Variants in CHRM3 observed in about 807,000 individuals in gnomAD.
CHRM3 encodes cholinergic receptor muscarinic 3, also known as muscarinic acetylcholine receptor M3.
CHRM3 carries 11 observed loss-of-function variants against 41.8 expected under a neutral mutation model. The ratio of observed to expected loss-of-function variants is 0.26; its 90% CI spans 0.17 to 0.44. The LOEUF (loss-of-function observed/expected upper bound fraction) is 0.44, where lower values mean the gene tolerates loss of function less well. Among genes scored for constraint, CHRM3 ranks in the 20% least tolerant of loss-of-function variants. CHRM3 has a pLI of 1.00. For missense variants in CHRM3, 571 were observed against 745.4 expected (o/e 0.77, Z 2.72); for synonymous variants, 297 against 301.4 (o/e 0.99, Z 0.15).
chr1:239,893,638 C>A (rs560281050), intron 6 of CHRM3, among the ~76,000 whole-genome samples: 1 of 149,098 alleles, frequency 6.7e-6, no homozygotes, highest in Admixed American at 6.8e-5. Context: ...CCTTGAAGGA[C>A]AGAAGTGATT....
intron 1 of CHRM3, among the ~76,000 whole-genome samples, chr1:239,490,540 A>G (rs1044943028): frequency 2.0e-5 from 3 of 151,982 alleles, no homozygotes. Context: ...TGAATTGAAT[A>G]CGTTCTGTTT....
At chr1:239,601,333 C>A (rs990132230) in intron 3 of CHRM3, among the ~76,000 whole-genome samples, 5 of 152,030 alleles carry the variant, frequency 3.3e-5, no homozygotes, top group African/African-American at 1.2e-4. Context: ...ATAAAACAAG[C>A]AAATAATTTT....
intron 3 of CHRM3, among the ~76,000 whole-genome samples, chr1:239,609,664 A>C (rs892773756): frequency 2.0e-5 from 3 of 152,218 alleles, no homozygotes; most frequent in African/African-American, 7.2e-5. Flanking sequence ...TGTTATGGTC[A>C]GTATTTTCAA....
intron 5 of CHRM3, among the ~76,000 whole-genome samples, chr1:239,728,040 G>A (rs1663611332): frequency 1.3e-5 from 2 of 152,042 alleles, no homozygotes; most frequent in Non-Finnish European, 2.9e-5. Context: ...CACAATGCTG[G>A]TAGGATTGTA....
chr1:239,868,227 G>A (rs755322480), intron 6 of CHRM3, among the ~76,000 whole-genome samples: 3 of 152,194 alleles, frequency 2.0e-5, no homozygotes, highest in Admixed American at 6.5e-5. Context: ...CTCCTGCGGC[G>A]TGATGCCGTG....
intron 4 of CHRM3, among the ~76,000 whole-genome samples, chr1:239,643,139 G>A (rs1671376255): frequency 6.6e-6 from 1 of 152,118 alleles, no homozygotes; most frequent in African/African-American, 2.4e-5. Flanking sequence ...TTGTCTCAGA[G>A]GAGTACCTGG....
At chr1:239,461,726 T>C (rs1175094980) in intron 1 of CHRM3, among the ~76,000 whole-genome samples, 1 of 152,158 alleles carries the variant, frequency 6.6e-6, no homozygotes, top group African/African-American at 2.4e-5. Context: ...TGGAGATTTC[T>C]AATGTCATCT....
intron 1 of CHRM3, among the ~76,000 whole-genome samples, chr1:239,413,253 C>T (rs1274092180): frequency 6.6e-6 from 1 of 152,154 alleles, no homozygotes; most frequent in Non-Finnish European, 1.5e-5. Context: ...GGAAGTGAAT[C>T]ATAATCTGGA....
At chr1:239,761,282 C>T (rs190167374) in intron 5 of CHRM3, among the ~76,000 whole-genome samples, 59 of 152,136 alleles carry the variant, frequency 3.9e-4, no homozygotes, top group Admixed American at 1.0e-3. Flanking sequence ...TGTGCTTTAC[C>T]TTCTTCAACA....
chr1:239,837,995 A>C (rs1673468893), intron 6 of CHRM3, among the ~76,000 whole-genome samples: 1 of 152,244 alleles, frequency 6.6e-6, no homozygotes, highest in Admixed American at 6.5e-5. Context: ...TAAAATAAAA[A>C]CACTTTATGG....
chr1:239,843,447 C>CTTTTTTTTTTTTTTTTTTTTTTTTTCT (rs34901177), intron 6 of CHRM3, among the ~76,000 whole-genome samples: 1 of 81,226 alleles, frequency 1.2e-5, no homozygotes, highest in African/African-American at 4.6e-5. Context: ...ACTCGCTTTC[C>CTTTTTTTTTTTTTTTTTTTTTTTTTCT]TTTTTTTTTT....
intron 6 of CHRM3, among the ~76,000 whole-genome samples, chr1:239,836,768 GA>G: frequency 6.6e-6 from 1 of 152,258 alleles, no homozygotes; most frequent in South Asian, 2.1e-4. Context: ...ACAAGATCAA[GA>G]GATCGAGACC....
intron 1 of CHRM3, among the ~76,000 whole-genome samples, chr1:239,422,523 C>T (rs1380862517): frequency 2.6e-5 from 4 of 152,062 alleles, no homozygotes; most frequent in East Asian, 3.9e-4. Flanking sequence ...TGTCCAAGCG[C>T]GGTGGCTCAT....
At chr1:239,817,449 G>C (rs1671683259) in intron 5 of CHRM3, among the ~76,000 whole-genome samples, 1 of 151,896 alleles carries the variant, frequency 6.6e-6, no homozygotes, top group Non-Finnish European at 1.5e-5. Flanking sequence ...CCCCAGAACT[G>C]CCCAAATCTT....
intron 3 of CHRM3, among the ~76,000 whole-genome samples, chr1:239,596,189 G>C (rs1008896016): frequency 6.6e-6 from 1 of 152,088 alleles, no homozygotes; most frequent in African/African-American, 2.4e-5. Flanking sequence ...TTTAAAACTA[G>C]TAATTTTCCA....
Position 239,423,315 on chromosome 1 carries a change from CTT to C in CHRM3, c.-521+36092_-521+36093del, listed in dbSNP as rs546163280. The stretch of plus-strand genomic sequence containing the variant: ...AATCATATGCAATTAAGAAGTGAAA[CTT>C]TTTGTGATGCATGATAACTTATTTG... On this transcript the variant is annotated intron_variant, in intron 1 of 6. Coordinates refer to ENST00000676153, the MANE Select transcript of CHRM3 (RefSeq NM_001375978.1). 4.4e-3 allele frequency among the ~76,000 whole-genome samples: 668 copies of C among 152,156 alleles called. 5 individuals carry two copies. Among genetic ancestry groups the C allele is most frequent in the African/African-American group, 0.015 (637 of 41,500 alleles).
At chr1:239,699,360 A>G (rs1660480802) in intron 5 of CHRM3, among the ~76,000 whole-genome samples, 1 of 152,116 alleles carries the variant, frequency 6.6e-6, no homozygotes, top group Non-Finnish European at 1.5e-5. Flanking sequence ...ATGCCCTCTT[A>G]TAAGGGATTA....
intron 5 of CHRM3, among the ~76,000 whole-genome samples, chr1:239,794,877 C>T (rs182551091): frequency 6.6e-5 from 10 of 152,102 alleles, no homozygotes; most frequent in African/African-American, 2.2e-4. Context: ...TTTTAAAAAG[C>T]AGAATAGCCA....
chr1:239,551,371 A>C (rs2148442168), intron 3 of CHRM3, among the ~76,000 whole-genome samples: 1 of 151,806 alleles, frequency 6.6e-6, no homozygotes, highest in African/African-American at 2.4e-5. Flanking sequence ...CATGTTGGTC[A>C]GGCTGGTCTC....
Sources: allele counts gnomAD v4.1 joint callset (sites outside exome capture counted in the v4.1 genomes callset), GRCh38; gene constraint gnomAD v4.1.1; transcripts MANE v1.5; gene names NCBI Gene and HGNC (gene_info 2026-07-23, HGNC 2026-07-21).